Variants in CLIC6 observed in about 807,000 individuals in gnomAD.
CLIC6 encodes chloride intracellular channel protein 6.
A neutral mutation model predicts 49.2 loss-of-function variants in CLIC6; 39 were observed. That is an observed-to-expected ratio of 0.79 (90% CI 0.61 to 1.04). The LOEUF is 1.04. Among genes scored for constraint, CLIC6 ranks in the 50% least tolerant of loss-of-function variants. The probability of loss-of-function intolerance (pLI) is 0.00; values close to 1 mark genes in which losing one functional copy is unlikely to be tolerated. For synonymous variants in CLIC6, 446 were observed against 433.4 expected (o/e 1.03, Z -0.36); for missense variants, 988 against 993.1 (o/e 0.99, Z 0.07).
chr21:34,682,377 G>C (rs1026589088), intron 1 of CLIC6, among the ~76,000 whole-genome samples: 2 of 152,010 alleles, frequency 1.3e-5, no homozygotes, highest in African/African-American at 2.4e-5. Context: ...CATGTAATTT[G>C]CATTTCTTTT....
chr21:34,680,764 T>G (rs576855911), intron 1 of CLIC6, among the ~76,000 whole-genome samples: 1 of 152,328 alleles, frequency 6.6e-6, no homozygotes, highest in East Asian at 1.9e-4. Context: ...CCATCCCCAT[T>G]TGAGACCAAC....
intron 1 of CLIC6, among the ~76,000 whole-genome samples, chr21:34,676,080 T>C (rs1424250697): frequency 6.6e-6 from 1 of 152,186 alleles, no homozygotes; most frequent in Admixed American, 6.5e-5. Flanking sequence ...TCACATGGGG[T>C]TTCCTTTGTG....
chr21:34,670,791 A>C (rs754938198), intron 1 of CLIC6, 29 bp downstream of exon 1: 1 of 1,581,092 alleles, frequency 6.3e-7, no homozygotes, highest in African/African-American at 1.4e-5. Context: ...AATTCTTAGG[A>C]CGACCCCCTT....
chr21:34,706,545 A>T (rs2056015975), intron 1 of CLIC6, among the ~76,000 whole-genome samples: 3 of 152,198 alleles, frequency 2.0e-5, no homozygotes, highest in Admixed American at 1.3e-4. Context: ...AGATCAAGAC[A>T]TAGAACAACA....
Position 34,669,414 on chromosome 21 carries a change from G to C in CLIC6, c.26G>C (p.Gly9Ala). The C allele has an allele frequency of 1.6e-6, 2 of 1,235,840 alleles. No individual in the cohort carries two copies. Among genetic ancestry groups the C allele is most frequent in the Non-Finnish European group, 2.0e-6 (2 of 990,366 alleles). 76.6% of individuals were successfully genotyped at this position (1,235,840 alleles called of 1,614,324 possible). ...ATGGCCGAGGCCGCGGAGCCGGAGG[G>C]GGTTGCCCCGGGTCCCCAGGGGCCG... Reference protein sequence around the residue: MAEAAEPEGVAPGPQGPPE... With the variant: MAEAAEPEAVAPGPQGPPE... The change falls in exon 1 of 6, where the codon GGG (glycine) becomes GCG (alanine). Residue 9 changes from glycine (G) to alanine (A), a missense_variant. Physicochemically the swap from Gly to Ala is moderately conservative, Grantham distance 60 (BLOSUM62 0). This residue lies in a region of CLIC6 where 284 missense variants were observed against 278.6 expected (regional missense o/e 1.02). Coordinates refer to ENST00000349499, the MANE Select transcript of CLIC6 (RefSeq NM_053277.3).
chr21:34,682,051 A>G (rs1031967305), intron 1 of CLIC6, among the ~76,000 whole-genome samples: 2 of 152,100 alleles, frequency 1.3e-5, no homozygotes, highest in African/African-American at 4.8e-5. Context: ...TGATGTGTAT[A>G]CTCTATAATC....
intron 1 of CLIC6, among the ~76,000 whole-genome samples, chr21:34,671,140 A>AG (rs1453474201): frequency 3.1e-4 from 27 of 86,844 alleles, no homozygotes; most frequent in African/African-American, 8.6e-4. Flanking sequence ...AAAAAAAAAA[A>AG]AAGAAGAAGA....
intron 1 of CLIC6, among the ~76,000 whole-genome samples, chr21:34,689,841 C>G (rs557502428): frequency 6.6e-6 from 1 of 152,182 alleles, no homozygotes; most frequent in Non-Finnish European, 1.5e-5. Context: ...TTTGTTGGCT[C>G]TCTGATGTTT....
intron 1 of CLIC6, among the ~76,000 whole-genome samples, chr21:34,673,233 CTT>C (rs143456354): frequency 1.4e-3 from 211 of 150,106 alleles, no homozygotes; most frequent in African/African-American, 4.7e-3. Context: ...CAGTTGCTAA[CTT>C]TTTTTTTTCT....
At chr21:34,715,168 G>A (rs186747684) in intron 5 of CLIC6, among the ~76,000 whole-genome samples, 11 of 152,360 alleles carry the variant, frequency 7.2e-5, no homozygotes, top group Non-Finnish European at 1.5e-4. Flanking sequence ...ACAGGAGGCA[G>A]CAAAGCCCAA....
intron 5 of CLIC6, among the ~76,000 whole-genome samples, chr21:34,714,589 G>A (rs2056075422): frequency 6.6e-6 from 1 of 151,986 alleles, no homozygotes; most frequent in African/African-American, 2.4e-5. Context: ...TCGGGAGGCT[G>A]AGGGAGGAAA....
At position 34,682,342 on chromosome 21, in the gene CLIC6, G is replaced by GAGAGGTGA. The variant is rs1276052353; in HGVS notation, c.1374+11582_1374+11589dup. On this transcript the variant is annotated intron_variant, in intron 1 of 5. Coordinates refer to ENST00000349499, the MANE Select transcript of CLIC6 (RefSeq NM_053277.3). ...AGGTATTATCAAATATTTTGAATCT[G>GAGAGGTGA]AGAGGTGAAAATAATGTCCATTGTC... 2.6e-5 allele frequency among the ~76,000 whole-genome samples: 4 copies of GAGAGGTGA among 152,308 alleles called. No individual in the cohort carries two copies. In the East Asian group the frequency reaches 5.8e-4, roughly 22 times the overall value.
intron 1 of CLIC6, among the ~76,000 whole-genome samples, chr21:34,683,916 A>G (rs1989826570): frequency 6.6e-6 from 1 of 152,220 alleles, no homozygotes; most frequent in Non-Finnish European, 1.5e-5. Flanking sequence ...CTCAAATATC[A>G]AAGGTTGTTT....
At chr21:34,707,527 G>T in intron 2 of CLIC6, 138 bp downstream of exon 2, 1 of 665,094 alleles carries the variant, frequency 1.5e-6, no homozygotes. Context: ...CTGAACTGAA[G>T]CCCACATGTG....
At chr21:34,696,634 G>A (rs757166682) in intron 1 of CLIC6, among the ~76,000 whole-genome samples, 28 of 152,206 alleles carry the variant, frequency 1.8e-4, no homozygotes, top group Admixed American at 1.1e-3. Context: ...TTGTTGCTAG[G>A]ATTAAATCTG....
chr21:34,686,698 C>G (rs1307502846), intron 1 of CLIC6, among the ~76,000 whole-genome samples: 3 of 152,196 alleles, frequency 2.0e-5, no homozygotes, highest in Admixed American at 1.3e-4. Flanking sequence ...CCTGTGGGTG[C>G]TCCATTTGAC....
rs112975403 is a variant in CLIC6 at position 34,670,892 on chromosome 21, C to G, written c.1374+130C>G. 4.7e-5 allele frequency: 50 copies of G among 1,074,052 alleles called. 1 individual carries two copies. The highest frequency in any genetic ancestry group is 3.7e-4 in the African/African-American group (22 of 59,742). 66.5% of individuals were successfully genotyped at this position (1,074,052 alleles called of 1,614,324 possible). A position where few individuals can be genotyped will look rare whatever the true frequency, so the allele number is the denominator to read the frequency against. On this transcript the variant is annotated intron_variant, in intron 1 of 5. Coordinates refer to ENST00000349499, the MANE Select transcript of CLIC6 (RefSeq NM_053277.3). ...CTGATTGTCATCAGGCGCTTCCATG[C>G]GCGGGCGGTAGGCGGGACAGCCGGG...
rs927788428 is a variant in CLIC6, at chr21:34,669,629, G to A, written c.241G>A (p.Gly81Ser). Residue 81 changes from glycine (G) to serine (S), a missense_variant, in exon 1 of 6, where the codon GGC becomes AGC. Physicochemically the swap from Gly to Ser is moderately conservative, Grantham distance 56. Transcript: ENST00000349499. ...AEARGTRGAHGETEAEEGAPE... is the reference protein window; with the variant it reads ...AEARGTRGAHSETEAEEGAPE... ...GGCGCGGGGCACGAGGGGGGCGCAC[G>A]GCGAGACTGAGGCCGAGGAGGGAGC... 3.2e-5 allele frequency: 41 copies of A among 1,288,356 alleles called. No individual in the cohort carries two copies. In the Admixed American group the frequency reaches 3.3e-4, roughly 10 times the overall value. 79.8% of individuals were successfully genotyped at this position (1,288,356 alleles called of 1,614,324 possible). A position where few individuals can be genotyped will look rare whatever the true frequency, so the allele number is the denominator to read the frequency against.
rs775385081 is a variant in CLIC6, at chr21:34,707,425, AC to A, written c.1484+38del. 3.6e-4 allele frequency: 394 copies of A among 1,088,130 alleles called. 1 individual carries two copies. Among genetic ancestry groups the A allele is most frequent in the Non-Finnish European group, 8.3e-5 (60 of 726,344 alleles). 67.4% of individuals were successfully genotyped at this position (1,088,130 alleles called of 1,614,324 possible). On this transcript the variant is annotated intron_variant, in intron 2 of 5. Coordinates refer to ENST00000349499, the MANE Select transcript of CLIC6 (RefSeq NM_053277.3). The stretch of plus-strand genomic sequence containing the variant: ...GCGTCTGCCTTACTGAAATAACTGT[AC>A]CTAGTTCTCTGCACACACACACACA...
Sources: gnomAD v4.1 joint callset for allele counts (sites outside exome capture counted in the v4.1 genomes callset) on GRCh38, gnomAD v4.1.1 for gene constraint, gnomAD v4.1.1 regional missense constraint, MANE v1.5 for transcripts, NCBI Gene and HGNC (gene_info 2026-07-23, HGNC 2026-07-21) for gene names.